Variants in MED13 observed in about 807,000 individuals in gnomAD.
MED13 encodes the protein mediator complex subunit 13.
MED13 carries 23 observed loss-of-function variants against 225.2 expected under a neutral mutation model. The ratio of observed to expected loss-of-function variants is 0.10; its 90% confidence interval spans 0.07 to 0.14. The LOEUF (loss-of-function observed/expected upper bound fraction) is 0.14, where lower values mean the gene tolerates loss of function less well. Ranked by LOEUF, MED13 falls within the 10% of genes least tolerant of loss-of-function variation. The pLI is 1.00. For synonymous variants in MED13, 942 were observed against 889.2 expected (o/e 1.06, Z -1.06); for missense variants, 2,197 against 2,594.5 (o/e 0.85, Z 3.33).
At chr17:62,053,317 T>TG (rs908937405) in intron 2 of MED13, among the ~76,000 whole-genome samples, 1 of 152,146 alleles carries the variant, frequency 6.6e-6, no homozygotes, top group East Asian at 1.9e-4. Context: ...ACCCTTTACT[T>TG]GGGGGAGAAA....
rs1424668479 is a variant in MED13 at position 61,945,820 on chromosome 17, A to T, written c.*648T>A. 6.6e-6 allele frequency: 1 copy of T among 152,532 alleles called. No individual in the cohort carries two copies. The highest frequency in any genetic ancestry group is 6.6e-5 in the Admixed American group (1 of 15,262). 9.4% of individuals were successfully genotyped at this position (152,532 alleles called of 1,614,324 possible). On this transcript the variant is annotated 3_prime_UTR_variant, in exon 30 of 30. Coordinates refer to ENST00000397786, the MANE Select transcript of MED13 (RefSeq NM_005121.3). ...TCCCCGTTAAACTGTACATCGAGAC[A>T]ATACAAATTTACTGTCCCACCCACC...
In MED13 at chr17:61,982,898, T is replaced by C. The variant is rs770281253; in HGVS notation, c.3105A>G (p.Lys1035=). 114 of 1,614,054 alleles carry C rather than the reference T, an allele frequency of 7.1e-5. No homozygotes were observed. Among genetic ancestry groups the C allele is most frequent in the Non-Finnish European group, 9.5e-5 (112 of 1,180,030 alleles). ...GTGAATACAAGTCTGAATTTTCATATTTGACTGAACCTTGAGCACTAGCAG... is the reference window on the plus strand; with the variant it reads ...GTGAATACAAGTCTGAATTTTCATACTTGACTGAACCTTGAGCACTAGCAG... ...GGPASAQGSV[K]YENSDLYSPA... is the part of the protein sequence containing the mutation. Residue 1035 remains lysine, a synonymous_variant, in exon 16 of 30, where the codon AAA becomes AAG. Coordinates refer to ENST00000397786, the MANE Select transcript of MED13 (RefSeq NM_005121.3).
intron 9 of MED13, 168 bp downstream of exon 9, chr17:62,010,382 A>T: frequency 2.3e-6 from 1 of 436,608 alleles, no homozygotes. Flanking sequence ...TTTCATAATG[A>T]AGAAGTTCCC....
intron 2 of MED13, among the ~76,000 whole-genome samples, chr17:62,059,178 A>T (rs1162355979): frequency 6.6e-6 from 1 of 152,200 alleles, no homozygotes; most frequent in East Asian, 1.9e-4. Context: ...AAATAAAGGA[A>T]ATCCAAATAT....
Position 61,946,206 on chromosome 17 carries a change from G to GA in MED13, c.*261dup, listed in dbSNP as rs945185106. ...TTACTTTTCACAAATACTGTGACTG[G>GA]AAAAAAAAAAGGTTAATTTTGCTAC... On this transcript the variant is annotated 3_prime_UTR_variant, in exon 30 of 30. Coordinates refer to ENST00000397786, the MANE Select transcript of MED13 (RefSeq NM_005121.3). The GA allele has an allele frequency of 0.01, 2,929 of 286,476 alleles. No homozygotes were observed. Among genetic ancestry groups the GA allele is most frequent in the Middle Eastern group, 0.017 (16 of 930 alleles). The allele number at this position is 286,476 out of a possible 1,614,324, so 17.7% of individuals were successfully genotyped here.
At chr17:61,955,344 G>T (rs764389659) in intron 26 of MED13, 38 bp downstream of exon 26, 103 of 1,427,790 alleles carry the variant, frequency 7.2e-5, no homozygotes, top group Non-Finnish European at 9.5e-5. Context: ...ATTTTGGGGG[G>T]TATTCTTCAG....
intron 3 of MED13, among the ~76,000 whole-genome samples, chr17:62,051,230 G>C (rs1361383903): frequency 1.3e-5 from 2 of 152,088 alleles, no homozygotes; most frequent in East Asian, 3.9e-4. Flanking sequence ...TTTACTTTCT[G>C]ACTCAGGTGC....
At chr17:61,981,997 A>G in intron 16 of MED13, among the ~76,000 whole-genome samples, 1 of 152,344 alleles carries the variant, frequency 6.6e-6, no homozygotes, top group South Asian at 2.1e-4. Flanking sequence ...ATAATTACAG[A>G]TTTATAATAA....
rs933976404 is a variant in MED13, at chr17:62,031,432, T to G, written c.1009+12A>C. 3 of 1,559,478 alleles carry G rather than the reference T, an allele frequency of 1.9e-6. No homozygotes were observed. In the African/African-American group the frequency reaches 4.1e-5, roughly 21 times the overall value. On this transcript the variant is annotated intron_variant, in intron 6 of 29. Coordinates refer to ENST00000397786, the MANE Select transcript of MED13 (RefSeq NM_005121.3). ...AAATTACCAGAGCTGATGAGACAAA[T>G]TACTGCTATACCTGTTTGGACTTCC... is the stretch of plus-strand genomic sequence containing the variant.
chr17:62,036,242 G>T (rs1288856272), intron 3 of MED13, among the ~76,000 whole-genome samples: 1 of 151,740 alleles, frequency 6.6e-6, no homozygotes, highest in Non-Finnish European at 1.5e-5. Context: ...TAATTAATTG[G>T]ACTAATCATT....
chr17:61,949,353 T>C (rs1259451134), intron 28 of MED13, among the ~76,000 whole-genome samples: 1 of 151,810 alleles, frequency 6.6e-6, no homozygotes, highest in African/African-American at 2.4e-5. Context: ...CCCCAGCTTT[T>C]CATGTTATTA....
At chr17:61,987,603 T>C (rs2143483398) in intron 11 of MED13, among the ~76,000 whole-genome samples, 1 of 152,196 alleles carries the variant, frequency 6.6e-6, no homozygotes, top group East Asian at 1.9e-4. Flanking sequence ...AAGTTATAAA[T>C]AAATGATTAT....
In MED13 at chr17:61,955,855, TAAAAAAAAAAAAAA is replaced by T; in HGVS notation, c.5624-31_5624-18del. The stretch of plus-strand genomic sequence containing the variant: ...AGCTCCAATCTGTGGGTATCAACAG[TAAAAAAAAAAAAAA>T]AAAAAAAAAAAATCAAAGTAACAGC... On this transcript the variant is annotated intron_variant, in intron 24 of 29. Transcript: ENST00000397786. The T allele has an allele frequency of 1.2e-6, 1 of 814,368 alleles. No individual in the cohort carries two copies. The highest frequency in any genetic ancestry group is 4.6e-5 in the South Asian group (1 of 21,942). The allele number at this position is 814,368 out of a possible 1,614,324, so 50.4% of individuals were successfully genotyped here. A position where few individuals can be genotyped will look rare whatever the true frequency, so the allele number is the denominator to read the frequency against.
chr17:61,969,997 A>C (rs1200150482), intron 17 of MED13, among the ~76,000 whole-genome samples: 1 of 152,208 alleles, frequency 6.6e-6, no homozygotes, highest in African/African-American at 2.4e-5. Context: ...AAACAAAACT[A>C]TCTCTAACAC....
At chr17:62,046,096 C>T (rs528491854) in intron 3 of MED13, among the ~76,000 whole-genome samples, 11 of 152,150 alleles carry the variant, frequency 7.2e-5, no homozygotes, top group African/African-American at 2.6e-4. Context: ...ATTGATTAGT[C>T]AACAAAAACA....
intron 8 of MED13, among the ~76,000 whole-genome samples, chr17:62,025,791 T>C (rs938137583): frequency 6.6e-6 from 1 of 152,256 alleles, no homozygotes; most frequent in Non-Finnish European, 1.5e-5. Flanking sequence ...GTGTGGTTTT[T>C]TTAGCTATTT....
At chr17:62,016,646 C>T (rs1165489695) in intron 8 of MED13, among the ~76,000 whole-genome samples, 1 of 152,042 alleles carries the variant, frequency 6.6e-6, no homozygotes, top group African/African-American at 2.4e-5. Context: ...TAAAGAAATG[C>T]CAAATATCAC....
intron 3 of MED13, among the ~76,000 whole-genome samples, chr17:62,049,215 T>C (rs1319859968): frequency 2.7e-5 from 4 of 150,632 alleles, no homozygotes; most frequent in Non-Finnish European, 4.4e-5. Flanking sequence ...GAATGAAGGG[T>C]AACAACAGGG....
chr17:62,010,058 C>T (rs1376663481), intron 9 of MED13, among the ~76,000 whole-genome samples: 1 of 151,956 alleles, frequency 6.6e-6, no homozygotes, highest in African/African-American at 2.4e-5. Context: ...CCCATCTCTA[C>T]TAAAAATACA....
Sources: allele counts gnomAD v4.1 joint callset (sites outside exome capture counted in the v4.1 genomes callset), GRCh38; gene constraint gnomAD v4.1.1; transcripts MANE v1.5; gene names NCBI Gene and HGNC (gene_info 2026-07-23, HGNC 2026-07-21).